Variants in BARD1 observed in about 807,000 individuals in gnomAD.
The protein encoded by BARD1 is BRCA1-associated RING domain protein 1.
In BARD1, 73 loss-of-function variants were observed where a neutral mutation model predicts 77.0. The observed-to-expected ratio is 0.95, with a 90% CI of 0.79 to 1.15. BARD1 has a LOEUF of 1.15. BARD1 is among the 50% of genes most tolerant of loss of function. The probability of loss-of-function intolerance (pLI) is 0.00; values close to 1 mark genes in which losing one functional copy is unlikely to be tolerated. For synonymous variants in BARD1, 384 were observed against 338.0 expected (o/e 1.14, Z -1.49); for missense variants, 993 against 938.8 (o/e 1.06, Z -0.75).
intron 9 of BARD1, among the ~76,000 whole-genome samples, chr2:214,740,079 T>A (rs1041289750): frequency 2.6e-5 from 4 of 152,078 alleles, no homozygotes; most frequent in Admixed American, 2.6e-4. Flanking sequence ...ATAGGTATGG[T>A]TAAAAACCGA....
chr2:214,732,241 CAT>C (rs924413473), intron 9 of BARD1, among the ~76,000 whole-genome samples: 5 of 152,188 alleles, frequency 3.3e-5, no homozygotes, highest in African/African-American at 1.2e-4. Context: ...ATGTAAACTG[CAT>C]ATGCCTGCAA....
Position 214,728,677 on chromosome 2 carries a change from C to T in BARD1, c.2333G>A (p.Ter778=), listed in dbSNP as rs776958611. 1.3e-5 allele frequency: 21 copies of T among 1,613,876 alleles called. No homozygotes were observed. Among genetic ancestry groups the T allele is most frequent in the Non-Finnish European group, 1.8e-5 (21 of 1,179,948 alleles). ...MSFELLPLDS[*] ...TGAAATGTTCATCTGGTATAATATT[C>T]AGCTGTCAAGAGGAAGCAACTCAAA... The change falls in exon 11 of 11, where the codon TGA becomes TAA. Residue 778 remains the stop codon, a stop_retained_variant. Transcript: ENST00000260947.
At chr2:214,735,341 G>C (rs1321388308) in intron 9 of BARD1, among the ~76,000 whole-genome samples, 1 of 152,152 alleles carries the variant, frequency 6.6e-6, no homozygotes, top group Admixed American at 6.5e-5. Context: ...CAGCGTGAGA[G>C]CTGAAAAGAG....
chr2:214,762,495 G>A (rs1385939707), intron 6 of BARD1, among the ~76,000 whole-genome samples: 1 of 152,114 alleles, frequency 6.6e-6, no homozygotes, highest in Admixed American at 6.6e-5. Flanking sequence ...TAAACAAATG[G>A]AGACATGCAG....
intron 9 of BARD1, among the ~76,000 whole-genome samples, chr2:214,739,533 C>T (rs1298203849): frequency 6.6e-6 from 1 of 151,842 alleles, no homozygotes; most frequent in Non-Finnish European, 1.5e-5. Context: ...AGGGACATCA[C>T]AATAGGCAGC....
chr2:214,726,056 G>T lies in BARD1; in HGVS notation c.*2620C>A, dbSNP rs548870537. On this transcript the variant is annotated 3_prime_UTR_variant, in exon 11 of 11. Coordinates refer to ENST00000260947, the MANE Select transcript of BARD1 (RefSeq NM_000465.4). ...CAGGTGCAAAAAAAAAAAAAGGTGG[G>T]GGGACCGATGAAATAAAGGAAAAAT... 29 of 219,024 alleles carry T rather than the reference G, an allele frequency of 1.3e-4. No individual in the cohort carries two copies. The highest frequency in any genetic ancestry group is 6.5e-4 in the African/African-American group (29 of 44,644). 13.6% of individuals were successfully genotyped at this position (219,024 alleles called of 1,614,324 possible). A position where few individuals can be genotyped will look rare whatever the true frequency, so the allele number is the denominator to read the frequency against.
At chr2:214,797,514 G>A (rs1329282716) in intron 1 of BARD1, among the ~76,000 whole-genome samples, 1 of 152,102 alleles carries the variant, frequency 6.6e-6, no homozygotes, top group Admixed American at 6.5e-5. Flanking sequence ...TGTCCCACAC[G>A]TAGAATGACC....
intron 3 of BARD1, among the ~76,000 whole-genome samples, chr2:214,783,204 C>T (rs967796519): frequency 6.6e-6 from 1 of 151,574 alleles, no homozygotes; most frequent in Admixed American, 6.6e-5. Context: ...TGCATTTGAC[C>T]AAAAAAAATC....
Position 214,728,706 on chromosome 2 carries a change from C to T in BARD1, c.2304G>A (p.Met768Ile), listed in dbSNP as rs730881409. 3.1e-6 allele frequency: 5 copies of T among 1,614,184 alleles called. No homozygotes were observed. The highest frequency in any genetic ancestry group is 2.7e-5 in the African/African-American group (2 of 75,036). Residue 768 changes from methionine (M) to isoleucine (I), a missense_variant, in exon 11 of 11, where the codon ATG (methionine) becomes ATA (isoleucine). Met to Ile is a conservative substitution (Grantham distance 10). Coordinates refer to ENST00000260947, the MANE Select transcript of BARD1 (RefSeq NM_000465.4). ...TGTCAAGAGGAAGCAACTCAAAGGACATCACACAGTCTATAAACCAGCTCG... is the reference window on the plus strand; with the variant it reads ...TGTCAAGAGGAAGCAACTCAAAGGATATCACACAGTCTATAAACCAGCTCG... Reference protein sequence around the residue: ...APSSWFIDCVMSFELLPLDS With the variant: ...APSSWFIDCVISFELLPLDS
rs1692179318 is a variant in BARD1, at chr2:214,728,515, G to T, written c.*161C>A. The T allele has an allele frequency of 1.5e-6, 1 of 674,498 alleles. No individual in the cohort carries two copies. 41.8% of individuals were successfully genotyped at this position (674,498 alleles called of 1,614,324 possible). A position where few individuals can be genotyped will look rare whatever the true frequency, so the allele number is the denominator to read the frequency against. The stretch of plus-strand genomic sequence containing the variant: ...AGCTTCTAAATGGTAAACATAACAT[G>T]AATTCCTAATCTGGCATTAGACTTT... On this transcript the variant is annotated 3_prime_UTR_variant, in exon 11 of 11. Transcript: ENST00000260947.
rs555953673 is a variant in BARD1, at chr2:214,782,848, GAA to G, written c.365-1341_365-1340del. Reference sequence around the variant, plus strand: ...CCATGTGGAGGAGGAACTTTGGAAAGAAAAGAGTAGAAACAATAGCCAATTAT... The same window carrying G: ...CCATGTGGAGGAGGAACTTTGGAAAGAAGAGTAGAAACAATAGCCAATTAT... On this transcript the variant is annotated intron_variant, in intron 3 of 10. Coordinates refer to ENST00000260947, the MANE Select transcript of BARD1 (RefSeq NM_000465.4). 5.9e-5 allele frequency among the ~76,000 whole-genome samples: 9 copies of G among 152,266 alleles called. No individual in the cohort carries two copies. The East Asian group carries it at 1.5e-3, about 26-fold the overall frequency.
rs1211956734 is a variant in BARD1, at chr2:214,744,797, ATT to A, written c.1903+268_1903+269del. On this transcript the variant is annotated intron_variant, in intron 9 of 10. Transcript: ENST00000260947. ...AGGCGCCCGCCACCACGCCCGGCTA[ATT>A]TTTTTGTATTTTTAGTAGAGACAGG... Among the ~76,000 whole-genome samples, 6 of 151,774 alleles carry A rather than the reference ATT, an allele frequency of 4.0e-5. No homozygotes were observed. In the East Asian group the frequency reaches 1.2e-3, roughly 30 times the overall value.
At chr2:214,753,416 G>A (rs1048865080) in intron 6 of BARD1, among the ~76,000 whole-genome samples, 3 of 152,030 alleles carry the variant, frequency 2.0e-5, no homozygotes, top group Non-Finnish European at 2.9e-5. Context: ...TTTTCAAAAT[G>A]AGCAATTCTT....
At chr2:214,806,850 G>C (rs1168004379) in intron 1 of BARD1, among the ~76,000 whole-genome samples, 6 of 144,302 alleles carry the variant, frequency 4.2e-5, no homozygotes, top group African/African-American at 1.3e-4. Context: ...CTCCAGCTTG[G>C]GTGACAGAGT....
At chr2:214,730,559 A>C (rs374808704) in intron 9 of BARD1, 51 bp from the exon 10 acceptor site, 312 of 1,417,638 alleles carry the variant, frequency 2.2e-4, no homozygotes, top group Non-Finnish European at 2.9e-4. Flanking sequence ...TGAGCACTAT[A>C]TCTCTCTCAT....
chr2:214,765,358 C>T (rs569856229), intron 6 of BARD1, among the ~76,000 whole-genome samples: 4 of 152,244 alleles, frequency 2.6e-5, no homozygotes, highest in South Asian at 4.1e-4. Flanking sequence ...AGTGCAGTGA[C>T]GAATCATGGT....
chr2:214,752,779 T>A (rs1693520123), intron 6 of BARD1, among the ~76,000 whole-genome samples: 1 of 152,186 alleles, frequency 6.6e-6, no homozygotes, highest in South Asian at 2.1e-4. Context: ...TATAGTATTA[T>A]GAATTTTTCA....
intron 6 of BARD1, among the ~76,000 whole-genome samples, chr2:214,767,252 G>T (rs1694246287): frequency 6.6e-6 from 1 of 151,968 alleles, no homozygotes; most frequent in Non-Finnish European, 1.5e-5. Flanking sequence ...TTTTTGATCT[G>T]CAGTTGGCTG....
chr2:214,803,913 A>C (rs1574858737), intron 1 of BARD1, among the ~76,000 whole-genome samples: 2 of 152,288 alleles, frequency 1.3e-5, no homozygotes, highest in Admixed American at 6.5e-5. Flanking sequence ...ATTTTTTTTA[A>C]AGTTCTTACT....
Sources: gnomAD v4.1 joint callset for allele counts (sites outside exome capture counted in the v4.1 genomes callset) on GRCh38, gnomAD v4.1.1 for gene constraint, MANE v1.5 for transcripts, NCBI Gene and HGNC (gene_info 2026-07-23, HGNC 2026-07-21) for gene names.